ZPBP: variants seen among roughly 807,000 people sequenced by gnomAD.
ZPBP encodes zona pellucida binding protein.
In ZPBP, 26 loss-of-function variants were observed where a neutral mutation model predicts 44.8. The ratio of observed to expected loss-of-function variants is 0.58; its 90% confidence interval spans 0.43 to 0.81. ZPBP has a LOEUF of 0.81. Ranked by LOEUF, ZPBP falls within the 30% of genes least tolerant of loss-of-function variation. The pLI, the probability that ZPBP is intolerant of heterozygous loss-of-function variation, is 0.00. For missense variants in ZPBP, 409 were observed against 434.0 expected (o/e 0.94, Z 0.51); for synonymous variants, 174 against 153.2 (o/e 1.14, Z -1.00).
At chr7:50,039,190 A>G (rs1022032826) in intron 4 of ZPBP, among the ~76,000 whole-genome samples, 1 of 152,192 alleles carries the variant, frequency 6.6e-6, no homozygotes, top group African/African-American at 2.4e-5. Flanking sequence ...ATTGAAGAAG[A>G]TATGGTTATA....
chr7:50,064,383 T>A (rs1801399132), intron 3 of ZPBP, among the ~76,000 whole-genome samples: 2 of 152,202 alleles, frequency 1.3e-5, no homozygotes, highest in Non-Finnish European at 2.9e-5. Context: ...TTGTCATTGA[T>A]AACATCTTAT....
chr7:50,061,263 T>G (rs1003006367), intron 3 of ZPBP, among the ~76,000 whole-genome samples: 3 of 152,092 alleles, frequency 2.0e-5, no homozygotes, highest in African/African-American at 7.2e-5. Flanking sequence ...AAGACAAGAA[T>G]GCGCACCCTC....
intron 3 of ZPBP, among the ~76,000 whole-genome samples, chr7:50,074,463 A>T (rs1229442046): frequency 6.6e-6 from 1 of 151,938 alleles, no homozygotes; most frequent in Non-Finnish European, 1.5e-5. Flanking sequence ...TAAATTCTCT[A>T]ATAAAAAATA....
At chr7:49,920,900 G>T (rs1233568341) in intron 1 of ZPBP, 1 of 152,130 alleles carries the variant, frequency 6.6e-6, no homozygotes, top group Non-Finnish European at 1.5e-5. Context: ...TGTTATAGGG[G>T]AAATGTACTA....
intron 4 of ZPBP, among the ~76,000 whole-genome samples, chr7:50,042,395 C>T (rs1297641308): frequency 6.6e-6 from 1 of 151,962 alleles, no homozygotes; most frequent in Admixed American, 6.6e-5. Context: ...AAGGTTGAAA[C>T]GAAGGAAAAA....
At chr7:49,982,312 T>TATAATATATAATTATATAATATATAATAC (rs1797053671) in intron 7 of ZPBP, among the ~76,000 whole-genome samples, 3 of 112,718 alleles carry the variant, frequency 2.7e-5, no homozygotes, top group South Asian at 4.6e-4. Context: ...TATATAATTA[T>TATAATATATAATTATATAATATATAATAC]ATAATATATA....
intron 2 of ZPBP, among the ~76,000 whole-genome samples, chr7:49,871,727 A>G (rs1791154369): frequency 6.6e-6 from 1 of 152,126 alleles, no homozygotes; most frequent in Non-Finnish European, 1.5e-5. Flanking sequence ...AGGTAAGGAA[A>G]AAAATCAAAA....
intron 7 of ZPBP, among the ~76,000 whole-genome samples, chr7:49,969,108 T>A (rs2128664): frequency 0.75 from 112,558 of 150,378 alleles, 42,385 homozygotes; most frequent in East Asian, 0.89. Flanking sequence ...CTTCTATTAA[T>A]GTAAACTTGT....
At chr7:49,859,386 T>G in intron 2 of ZPBP, among the ~76,000 whole-genome samples, 1 of 152,352 alleles carries the variant, frequency 6.6e-6, no homozygotes, top group African/African-American at 2.4e-5. Flanking sequence ...ATATATATCC[T>G]CCTTAAAGTT....
At chr7:49,958,216 T>A (rs1014854299) in intron 7 of ZPBP, among the ~76,000 whole-genome samples, 1 of 152,176 alleles carries the variant, frequency 6.6e-6, no homozygotes, top group Non-Finnish European at 1.5e-5. Context: ...CTCGCCCACA[T>A]ACATCTGATT....
At chr7:49,943,187 A>T (rs547944067) in intron 7 of ZPBP, 12 of 316,210 alleles carry the variant, frequency 3.8e-5, no homozygotes, top group African/African-American at 2.6e-4. Flanking sequence ...TAAAGTCCTC[A>T]GCATTCTCCC....
chr7:49,971,594 T>G (rs1020772680), intron 7 of ZPBP, among the ~76,000 whole-genome samples: 5 of 152,104 alleles, frequency 3.3e-5, no homozygotes, highest in African/African-American at 4.8e-5. Flanking sequence ...TTATAACTAG[T>G]ACAGCAATTG....
At chr7:49,944,191 A>G in intron 7 of ZPBP, 1 of 341,406 alleles carries the variant, frequency 2.9e-6, no homozygotes, top group Non-Finnish European at 5.7e-6. Flanking sequence ...TCACATGTGC[A>G]TTTTCAAACT....
intron 4 of ZPBP, among the ~76,000 whole-genome samples, chr7:50,052,863 T>G (rs1800760019): frequency 6.6e-6 from 1 of 152,222 alleles, no homozygotes; most frequent in Admixed American, 6.5e-5. Context: ...TATAGCACTG[T>G]ATTTGTATAA....
At chr7:49,847,432 C>T (rs145336929), downstream of ZPBP, among the ~76,000 whole-genome samples, 199 of 152,126 alleles carry the variant, frequency 1.3e-3, no homozygotes, top group African/African-American at 4.6e-3. Context: ...CAGAGCCTTG[C>T]AGGGATCCCT....
At chr7:49,886,343 T>C (rs1378276728) in intron 2 of ZPBP, among the ~76,000 whole-genome samples, 2 of 152,232 alleles carry the variant, frequency 1.3e-5, no homozygotes, top group Admixed American at 1.3e-4. Flanking sequence ...GCCTGACCTC[T>C]ACAATATTAA....
At chr7:50,018,159 T>C (rs931523673) in intron 6 of ZPBP, 81 bp downstream of exon 6, 5 of 1,033,994 alleles carry the variant, frequency 4.8e-6, no homozygotes, top group African/African-American at 1.6e-5. Context: ...ACGTATTTTA[T>C]AAATAGCTAG....
intron 3 of ZPBP, among the ~76,000 whole-genome samples, chr7:50,069,141 G>A (rs550457618): frequency 1.3e-5 from 2 of 152,296 alleles, no homozygotes; most frequent in East Asian, 3.9e-4. Context: ...CTTCTCATGT[G>A]AGATTGACAG....
chr7:49,986,496 C>T (rs1346098149), intron 6 of ZPBP, among the ~76,000 whole-genome samples: 2 of 152,320 alleles, frequency 1.3e-5, no homozygotes, highest in East Asian at 1.9e-4. Flanking sequence ...GTCTTCCCCT[C>T]CCTTGGCCAA....
Sources: gnomAD v4.1 joint callset for allele counts (sites outside exome capture counted in the v4.1 genomes callset) on GRCh38, gnomAD v4.1.1 for gene constraint, MANE v1.5 for transcripts, NCBI Gene and HGNC (gene_info 2026-07-23, HGNC 2026-07-21) for gene names.